Variants in TMEM272 observed in about 807,000 individuals in gnomAD.
TMEM272 encodes the protein transmembrane protein 272.
In TMEM272, 8 loss-of-function variants were observed where a neutral mutation model predicts 3.7. The observed-to-expected ratio is 2.17, with a 90% CI of 1.27 to 3.91. The LOEUF is 3.91. TMEM272 is among the 30% of genes most tolerant of loss of function. TMEM272 has a pLI of 0.00. For synonymous variants in TMEM272, 63 were observed against 39.8 expected (o/e 1.58, Z -2.20); for missense variants, 166 against 91.5 (o/e 1.81, Z -3.32).
intron 2 of TMEM272, among the ~76,000 whole-genome samples, chr13:51,836,253 A>G (rs548848435): frequency 7.2e-5 from 11 of 152,088 alleles, no homozygotes; most frequent in Non-Finnish European, 1.5e-4. Context: ...ATGACACAAG[A>G]AGGCCCTCCC....
the TMEM272 span, among the ~76,000 whole-genome samples, chr13:51,889,425 A>G: frequency 2.0e-5 from 3 of 152,148 alleles, no homozygotes; most frequent in East Asian, 3.9e-4. Flanking sequence ...CCTTACAAGA[A>G]GAGGAGGAGA....
the TMEM272 span, among the ~76,000 whole-genome samples, chr13:51,872,253 C>T: frequency 1.3e-5 from 2 of 151,928 alleles, no homozygotes; most frequent in Admixed American, 6.6e-5. Flanking sequence ...GAACAAAATG[C>T]TAGGAATATT....
chr13:51,925,825 C>G, the TMEM272 span, among the ~76,000 whole-genome samples: 1 of 151,930 alleles, frequency 6.6e-6, no homozygotes, highest in African/African-American at 2.4e-5. Flanking sequence ...AAGCTGAGAC[C>G]GGACATGATT....
chr13:51,826,674 C>T, intron 2 of TMEM272, 49 bp from the exon 3 acceptor site: 1 of 701,802 alleles, frequency 1.4e-6, no homozygotes, highest in South Asian at 1.5e-5. Context: ...ACACAGACCC[C>T]TGCATTTCCT....
chr13:51,892,608 CAT>C, the TMEM272 span, among the ~76,000 whole-genome samples: 1 of 152,156 alleles, frequency 6.6e-6, no homozygotes, highest in Non-Finnish European at 1.5e-5. Flanking sequence ...GCAGTGACTA[CAT>C]CTCTCTCTGT....
intron 1 of TMEM272, among the ~76,000 whole-genome samples, chr13:51,839,609 G>GC (rs1435086973): frequency 6.6e-6 from 1 of 152,222 alleles, no homozygotes; most frequent in African/African-American, 2.4e-5. Context: ...CATTTTAGCA[G>GC]CACTACCTGC....
the TMEM272 span, among the ~76,000 whole-genome samples, chr13:51,926,055 G>C: frequency 1.3e-5 from 2 of 151,992 alleles, no homozygotes; most frequent in South Asian, 4.2e-4. Flanking sequence ...TGTGCAGTGT[G>C]ACATATATGT....
At chr13:51,871,833 C>T in the TMEM272 span, among the ~76,000 whole-genome samples, 2 of 127,094 alleles carry the variant, frequency 1.6e-5, no homozygotes, top group African/African-American at 6.3e-5. Flanking sequence ...CACACACACA[C>T]ACACACACAC....
the TMEM272 span, among the ~76,000 whole-genome samples, chr13:51,926,367 G>A: frequency 6.6e-6 from 1 of 152,156 alleles, no homozygotes; most frequent in East Asian, 1.9e-4. Flanking sequence ...CCCCCGTTCT[G>A]GTGACTTCCC....
At chr13:51,865,772 G>A in the TMEM272 span, 4 of 1,614,176 alleles carry the variant, frequency 2.5e-6, no homozygotes, top group Admixed American at 5.0e-5. Context: ...CTGGAAGGAG[G>A]ATAAGGCCTT....
At chr13:51,840,548 A>G (rs1026366802) in intron 1 of TMEM272, among the ~76,000 whole-genome samples, 6 of 152,230 alleles carry the variant, frequency 3.9e-5, no homozygotes, top group African/African-American at 9.6e-5. Context: ...TGAGCACCCA[A>G]GGTTTTCTGA....
chr13:51,905,077 T>C, the TMEM272 span, among the ~76,000 whole-genome samples: 1 of 152,174 alleles, frequency 6.6e-6, no homozygotes, highest in Non-Finnish European at 1.5e-5. Context: ...CAAATGCTCC[T>C]GGGGGAGGTC....
At chr13:51,825,230 C>T (rs1396564315) in intron 3 of TMEM272, among the ~76,000 whole-genome samples, 1 of 152,194 alleles carries the variant, frequency 6.6e-6, no homozygotes, top group Non-Finnish European at 1.5e-5. Flanking sequence ...TGTTTCAGTT[C>T]TCTGCAAACC....
chr13:51,854,550 T>G, the TMEM272 span, among the ~76,000 whole-genome samples: 1 of 152,340 alleles, frequency 6.6e-6, no homozygotes, highest in African/African-American at 2.4e-5. Flanking sequence ...TTGATGCCTA[T>G]GTTATTATAG....
chr13:51,816,676 T>TGTGTGC lies in TMEM272; in HGVS notation c.*74_*75insGCACAC. 1.6e-6 allele frequency: 1 copy of TGTGTGC among 634,764 alleles called. No individual in the cohort carries two copies. Among genetic ancestry groups the TGTGTGC allele is most frequent in the Admixed American group, 2.2e-5 (1 of 44,534 alleles). The allele number at this position is 634,764 out of a possible 1,614,324, so 39.3% of individuals were successfully genotyped here. On this transcript the variant is annotated 3_prime_UTR_variant, in exon 5 of 5. Transcript: ENST00000629372. ...ACCTGTGTGTGTGTGTGTGTGTGTG[T>TGTGTGC]GCGTCTGTGTGTCTGTGTGCACGCG...
chr13:51,858,851 T>C, the TMEM272 span, among the ~76,000 whole-genome samples: 15 of 152,076 alleles, frequency 9.9e-5, no homozygotes, highest in African/African-American at 2.4e-5. Flanking sequence ...CCTTCCCCCC[T>C]GCAAACAGTG....
At chr13:51,878,115 G>C in the TMEM272 span, among the ~76,000 whole-genome samples, 9 of 152,134 alleles carry the variant, frequency 5.9e-5, no homozygotes, top group Non-Finnish European at 1.0e-4. Flanking sequence ...CAAGCAAAGT[G>C]GGGGAAACGC....
At chr13:51,893,606 C>T in the TMEM272 span, among the ~76,000 whole-genome samples, 1 of 151,898 alleles carries the variant, frequency 6.6e-6, no homozygotes, top group African/African-American at 2.4e-5. Context: ...TGGCTCACAC[C>T]GTATGCGCTT....
chr13:51,870,573 A>G, the TMEM272 span, among the ~76,000 whole-genome samples: 4 of 152,252 alleles, frequency 2.6e-5, no homozygotes, highest in African/African-American at 9.6e-5. Context: ...TTTAAAAATC[A>G]GAAATCCACA....
Sources: allele counts gnomAD v4.1 joint callset (sites outside exome capture counted in the v4.1 genomes callset), GRCh38; gene constraint gnomAD v4.1.1; transcripts MANE v1.5; gene names NCBI Gene and HGNC (gene_info 2026-07-23, HGNC 2026-07-21).